IBTK: variants seen among roughly 807,000 people sequenced by gnomAD.
The protein encoded by IBTK is BTK-binding protein.
In IBTK, 83 loss-of-function variants were observed where a neutral mutation model predicts 154.9. The observed-to-expected ratio is 0.54, with a 90% CI of 0.45 to 0.64. The LOEUF (loss-of-function observed/expected upper bound fraction) is 0.64. Among genes scored for constraint, IBTK ranks in the 30% least tolerant of loss-of-function variants. IBTK has a pLI of 0.00. For synonymous variants in IBTK, 515 were observed against 536.1 expected, an observed-to-expected ratio of 0.96 and a Z score of 0.54; for missense variants, 1,332 against 1,584.6, an observed-to-expected ratio of 0.84 and a Z score of 2.71.
intron 24 of IBTK, 62 bp downstream of exon 24, chr6:82,191,725 C>A (rs1763126999): frequency 3.0e-6 from 3 of 989,484 alleles, no homozygotes; most frequent in Non-Finnish European, 4.9e-6. Context: ...TGCAGTAAGT[C>A]TGTCCAATTC....
At chr6:82,223,797 A>G (rs1193301453) in intron 7 of IBTK, among the ~76,000 whole-genome samples, 177 bp from the exon 8 acceptor site, 1 of 152,156 alleles carries the variant, frequency 6.6e-6, no homozygotes, top group Admixed American at 6.5e-5. Flanking sequence ...CATCTCTACA[A>G]AAAATAGCCC....
At chr6:82,233,736 C>T (rs6920837) in intron 3 of IBTK, among the ~76,000 whole-genome samples, 29,627 of 128,752 alleles carry the variant, frequency 0.23, 3,293 homozygotes, top group African/African-American at 0.26. Context: ...TTTTTTGAGA[C>T]GAAGTCTAGC....
chr6:82,199,225 A>G (rs944550430), intron 21 of IBTK, among the ~76,000 whole-genome samples: 2 of 151,838 alleles, frequency 1.3e-5, no homozygotes, highest in Admixed American at 6.6e-5. Flanking sequence ...TTTTTTTTTA[A>G]GTCTCTGTAT....
At chr6:82,211,434 GAA>G (rs1562091315) in intron 14 of IBTK, 30 bp from the exon 15 acceptor site, 1 of 1,604,804 alleles carries the variant, frequency 6.2e-7, no homozygotes, top group Non-Finnish European at 8.5e-7. Flanking sequence ...AATGCAATAA[GAA>G]TAGTGAAACA....
chr6:82,195,422 A>G (rs960938287), intron 22 of IBTK, among the ~76,000 whole-genome samples: 1 of 151,964 alleles, frequency 6.6e-6, no homozygotes, highest in African/African-American at 2.4e-5. Context: ...CTAAAAATAT[A>G]AAAAAATTAG....
intron 13 of IBTK, among the ~76,000 whole-genome samples, chr6:82,212,177 C>T (rs1769677857): frequency 6.6e-6 from 1 of 151,964 alleles, no homozygotes; most frequent in Non-Finnish European, 1.5e-5. Context: ...GTATTTTCTT[C>T]GTAGAGACAG....
At chr6:82,236,126 G>A (rs1439403556) in intron 2 of IBTK, among the ~76,000 whole-genome samples, 1 of 152,052 alleles carries the variant, frequency 6.6e-6, no homozygotes, top group Non-Finnish European at 1.5e-5. Context: ...TGCCCGCCTT[G>A]GCCTCCCAAA....
intron 17 of IBTK, among the ~76,000 whole-genome samples, chr6:82,204,450 G>C (rs1001727069): frequency 2.0e-5 from 3 of 152,054 alleles, no homozygotes; most frequent in African/African-American, 7.2e-5. Flanking sequence ...GCTTTGTTCA[G>C]ATATATAATG....
chr6:82,182,093 T>C, intron 25 of IBTK, 65 bp from the exon 26 acceptor site: 1 of 1,496,472 alleles, frequency 6.7e-7, no homozygotes, highest in African/African-American at 1.4e-5. Flanking sequence ...CTGGAAGTTA[T>C]AAGAGAACAA....
At chr6:82,216,965 T>C (rs1769897811) in intron 10 of IBTK, among the ~76,000 whole-genome samples, 2 of 151,886 alleles carry the variant, frequency 1.3e-5, no homozygotes, top group South Asian at 2.1e-4. Context: ...AAACAAAGAA[T>C]AGATAAAAAG....
chr6:82,189,990 G>C (rs1768701781), intron 25 of IBTK, among the ~76,000 whole-genome samples: 1 of 152,120 alleles, frequency 6.6e-6, no homozygotes, highest in South Asian at 2.1e-4. Context: ...CTTATCATCA[G>C]AAACTAGCAC....
chr6:82,196,251 T>C, intron 22 of IBTK, 47 bp downstream of exon 22: 1 of 1,426,334 alleles, frequency 7.0e-7, no homozygotes, highest in Non-Finnish European at 9.4e-7. Context: ...AAACCATCTA[T>C]AAATCTAAAA....
At chr6:82,173,674 A>AAC in intron 26 of IBTK, 1 of 190,690 alleles carries the variant, frequency 5.2e-6, no homozygotes, top group East Asian at 1.1e-4. Context: ...TCTAATAATA[A>AAC]ATATATATAT....
At chr6:82,232,126 C>A (rs1157236924) in intron 3 of IBTK, among the ~76,000 whole-genome samples, 1 of 151,558 alleles carries the variant, frequency 6.6e-6, no homozygotes, top group Non-Finnish European at 1.5e-5. Context: ...ACCTCACGGG[C>A]TCAAGTGATC....
intron 25 of IBTK, among the ~76,000 whole-genome samples, chr6:82,186,781 A>G (rs1353592666): frequency 6.6e-6 from 1 of 152,192 alleles, no homozygotes; most frequent in Admixed American, 6.5e-5. Flanking sequence ...ATAATTGGTC[A>G]GTTAGATAAA....
chr6:82,209,552 G>C (rs183215339), intron 16 of IBTK, among the ~76,000 whole-genome samples: 4 of 152,202 alleles, frequency 2.6e-5, no homozygotes, highest in East Asian at 1.9e-4. Flanking sequence ...GGTTTTCCAC[G>C]GACTGGGGAT....
At chr6:82,195,488 G>A (rs550291091) in intron 22 of IBTK, among the ~76,000 whole-genome samples, 42 of 151,820 alleles carry the variant, frequency 2.8e-4, no homozygotes, top group African/African-American at 9.7e-4. Context: ...TTAGGTGGGA[G>A]AATCACCTAA....
intron 8 of IBTK, among the ~76,000 whole-genome samples, chr6:82,221,098 C>T (rs1440218819): frequency 3.3e-5 from 5 of 151,914 alleles, no homozygotes; most frequent in African/African-American, 4.8e-5. Flanking sequence ...AGGCCAAGGC[C>T]GGTGGATCAT....
chr6:82,221,738 T>C (rs2127819526), intron 8 of IBTK, among the ~76,000 whole-genome samples: 1 of 152,354 alleles, frequency 6.6e-6, no homozygotes, highest in African/African-American at 2.4e-5. Context: ...GTTTTATAAA[T>C]GTTAACTAAA....
Sources: allele counts gnomAD v4.1 joint callset (sites outside exome capture counted in the v4.1 genomes callset), GRCh38; gene constraint gnomAD v4.1.1; transcripts MANE v1.5; gene names NCBI Gene and HGNC (gene_info 2026-07-23, HGNC 2026-07-21).